LYVE1: variants seen among roughly 807,000 people sequenced by gnomAD.
The protein encoded by LYVE1 is lymphatic vessel endothelial hyaluronic acid receptor 1.
A neutral mutation model predicts 31.5 loss-of-function variants in LYVE1; 29 were observed. The observed-to-expected ratio is 0.92, with a 90% confidence interval of 0.69 to 1.26. The LOEUF (loss-of-function observed/expected upper bound fraction) is 1.26, where lower values mean the gene tolerates loss of function less well. LYVE1 is among the 50% of genes most tolerant of loss of function. LYVE1 has a pLI of 0.00. For missense variants in LYVE1, 376 were observed against 380.2 expected (o/e 0.99, Z 0.09); for synonymous variants, 134 against 139.4 (o/e 0.96, Z 0.27).
At position 10,568,647 on chromosome 11, in the gene LYVE1, ACTCACTG is replaced by A. The variant is rs919620491; in HGVS notation, c.-122_-116del. ...GTTCTGGAACTATGTTGAGGCTCAC[ACTCACTG>A]CTCCACTTCATAACCGAGACATCCG... On this transcript the variant is annotated 5_prime_UTR_variant, in exon 1 of 6. An upstream open reading frame in the 5' UTR loses its in-frame stop. Coordinates refer to ENST00000256178, the MANE Select transcript of LYVE1 (RefSeq NM_006691.4). The A allele has an allele frequency of 1.0e-5, 14 of 1,368,408 alleles. No individual in the cohort carries two copies. Among genetic ancestry groups the A allele is most frequent in the Admixed American group, 5.7e-5 (2 of 34,832 alleles). The allele number at this position is 1,368,408 out of a possible 1,614,324, so 84.8% of individuals were successfully genotyped here. A position where few individuals can be genotyped will look rare whatever the true frequency, so the allele number is the denominator to read the frequency against.
At chr11:10,563,195 C>T (rs1000716275) in intron 3 of LYVE1, among the ~76,000 whole-genome samples, 4 of 151,828 alleles carry the variant, frequency 2.6e-5, no homozygotes, top group African/African-American at 4.8e-5. Flanking sequence ...GTGATCTGCC[C>T]GCCTCGGCCT....
At chr11:10,564,840 C>T (rs910439126) in intron 1 of LYVE1, among the ~76,000 whole-genome samples, 2 of 152,172 alleles carry the variant, frequency 1.3e-5, no homozygotes, top group East Asian at 3.8e-4. Flanking sequence ...GAAAATGTCA[C>T]ACTTGTTATA....
intron 3 of LYVE1, 64 bp from the exon 4 acceptor site, chr11:10,560,864 T>C: frequency 8.9e-6 from 12 of 1,353,420 alleles, no homozygotes; most frequent in Non-Finnish European, 1.2e-5. Context: ...TCTTCTTGCC[T>C]CTAGTCTTAC....
intron 2 of LYVE1, 46 bp from the exon 3 acceptor site, chr11:10,564,125 C>T: frequency 7.4e-6 from 12 of 1,614,056 alleles, no homozygotes; most frequent in Non-Finnish European, 9.3e-6. Flanking sequence ...GATTAGAAGG[C>T]TTCATCTCTA....
Position 10,559,241 on chromosome 11 carries a change from GT to G in LYVE1, c.838del (p.Thr280ProfsTer3). 1 of 1,613,982 alleles carries G rather than the reference GT, an allele frequency of 6.2e-7. No individual in the cohort carries two copies. The highest frequency in any genetic ancestry group is 8.5e-7 in the Non-Finnish European group (1 of 1,179,990). ...GGCCTTCTCCTCCTTTACTACTTTG[GT>G]TTCGATCATTTCCTTCTGCTGATTC... ...NKNQQKEMIE[T>X]KVVKEEKAND... On this transcript the variant is annotated frameshift_variant, in exon 6 of 6. Transcript: ENST00000256178. LOFTEE classifies it high-confidence loss of function.
At position 10,560,564 on chromosome 11, in the gene LYVE1, T is replaced by A. The variant is rs1216598499; in HGVS notation, c.634A>T (p.Met212Leu). The A allele has an allele frequency of 1.2e-6, 2 of 1,613,938 alleles. No individual in the cohort carries two copies. The highest frequency in any genetic ancestry group is 1.7e-6 in the Non-Finnish European group (2 of 1,179,950). The change falls in exon 4 of 6, where the codon ATG (methionine) becomes TTG (leucine). Residue 212 changes from methionine (M) to leucine (L), a missense_variant. By Grantham distance (15) the Met-to-Leu change is conservative. Coordinates refer to ENST00000256178, the MANE Select transcript of LYVE1 (RefSeq NM_006691.4). ...ACAAATGGTTCAGTTTCTGTAGACA[T>A]GGTGCTAGTTTCCATAAAAACTTCT... ...VTEVFMETSTMSTETEPFVEN... is the reference protein window; with the variant it reads ...VTEVFMETSTLSTETEPFVEN...
chr11:10,562,518 G>A (rs1027803082), intron 3 of LYVE1, among the ~76,000 whole-genome samples: 5 of 152,084 alleles, frequency 3.3e-5, no homozygotes, highest in Non-Finnish European at 5.9e-5. Context: ...TTTATCTCTC[G>A]GATCTTCGAG....
intron 3 of LYVE1, among the ~76,000 whole-genome samples, chr11:10,561,553 A>G (rs1850424940): frequency 6.6e-6 from 1 of 152,166 alleles, no homozygotes; most frequent in Non-Finnish European, 1.5e-5. Context: ...TTGCTTTCCA[A>G]TCTGTTGCAT....
intron 3 of LYVE1, among the ~76,000 whole-genome samples, chr11:10,561,442 C>T (rs1290468361): frequency 6.6e-6 from 1 of 152,120 alleles, no homozygotes; most frequent in Non-Finnish European, 1.5e-5. Flanking sequence ...CAAATATACA[C>T]ATGTGGTGTC....
chr11:10,559,858 AAGAGGAG>A lies in LYVE1; in HGVS notation c.733_739del (p.Leu245SerfsTer17), dbSNP rs1330522204. The A allele has an allele frequency of 4.3e-6, 7 of 1,613,942 alleles. No individual in the cohort carries two copies. Among genetic ancestry groups the A allele is most frequent in the Non-Finnish European group, 3.4e-6 (4 of 1,179,866 alleles). On this transcript the variant is annotated frameshift_variant, in exon 5 of 6. Coordinates refer to ENST00000256178, the MANE Select transcript of LYVE1 (RefSeq NM_006691.4). LOFTEE classifies it high-confidence loss of function. Reference sequence around the variant, plus strand: ...TCCAAGACCAGCTGCAGCACCAAAGAAGAGGAGAGCAAGCACTAGCAGAGCCGTGGGG... The same window carrying A: ...TCCAAGACCAGCTGCAGCACCAAAGAAGCAAGCACTAGCAGAGCCGTGGGG...
rs1258725240 is a variant in LYVE1, at chr11:10,557,501, G to C, written c.*1610C>G. The C allele has an allele frequency of 6.6e-6, 1 of 152,184 alleles. No individual in the cohort carries two copies. Among genetic ancestry groups the C allele is most frequent in the Non-Finnish European group, 1.5e-5 (1 of 68,038 alleles). The allele number at this position is 152,184 out of a possible 1,614,324, so 9.4% of individuals were successfully genotyped here. On this transcript the variant is annotated 3_prime_UTR_variant, in exon 6 of 6. Coordinates refer to ENST00000256178, the MANE Select transcript of LYVE1 (RefSeq NM_006691.4). ...CACGGAGCTGTGGGGTCACTGGTGA[G>C]GGGAAGAAGACAATTAGCAGTCTAA...
At chr11:10,563,838 G>T in intron 3 of LYVE1, 102 bp downstream of exon 3, 1 of 1,440,158 alleles carries the variant, frequency 6.9e-7, no homozygotes, top group African/African-American at 1.4e-5. Flanking sequence ...GGCCGTGGCT[G>T]TGATTGCTTC....
chr11:10,564,455 T>A, intron 1 of LYVE1, 81 bp from the exon 2 acceptor site: 1 of 1,333,028 alleles, frequency 7.5e-7, no homozygotes, highest in Non-Finnish European at 1.1e-6. Context: ...GCAGAGTATA[T>A]CGTCCTGATG....
Position 10,564,283 on chromosome 11 carries a change from C to T in LYVE1, c.177G>A (p.Glu59=). ...AACTTAGTCCCAGCAGCCTACAGGC[C>T]TCCTTAGCTTCTGTGAAATTCAGCT... is the stretch of plus-strand genomic sequence containing the variant. ...NQQLNFTEAK[E]ACRLLGLSLA... is the part of the protein sequence containing the mutation. The change falls in exon 2 of 6, where the codon GAG becomes GAA. Residue 59 remains glutamate, a synonymous_variant. Coordinates refer to ENST00000256178, the MANE Select transcript of LYVE1 (RefSeq NM_006691.4). The T allele has an allele frequency of 1.2e-6, 2 of 1,614,228 alleles. No individual in the cohort carries two copies. The highest frequency in any genetic ancestry group is 1.1e-5 in the South Asian group (1 of 91,082).
In LYVE1 at chr11:10,564,312, G is replaced by A. The variant is rs146540416; in HGVS notation, c.148C>T (p.Gln50Ter). 29 of 1,614,032 alleles carry A rather than the reference G, an allele frequency of 1.8e-5. No individual in the cohort carries two copies. Among genetic ancestry groups the A allele is most frequent in the African/African-American group, 4.0e-5 (3 of 74,924 alleles). Residue 50 changes from glutamine to a stop codon, truncating the protein, a stop_gained, in exon 2 of 6, where the codon CAG (glutamine) becomes TAG (stop). Transcript: ENST00000256178. LOFTEE classifies it high-confidence loss of function. ...GITLVSKKAN[Q>*]QLNFTEAKEA... ...TTAGCTTCTGTGAAATTCAGCTGCT[G>A]GTTCGCCTTTTTGCTCACAAGGGTG...
At chr11:10,564,157 C>A (rs749046416) in intron 2 of LYVE1, 46 bp downstream of exon 2, 23 of 1,613,856 alleles carry the variant, frequency 1.4e-5, no homozygotes, top group African/African-American at 8.0e-5. Flanking sequence ...GAACACAGAG[C>A]TAAAAAAGAA....
At chr11:10,565,294 GAAT>G (rs1850513310) in intron 1 of LYVE1, among the ~76,000 whole-genome samples, 1 of 152,204 alleles carries the variant, frequency 6.6e-6, no homozygotes, top group Non-Finnish European at 1.5e-5. Flanking sequence ...GGTAAGATAT[GAAT>G]AATATTTCTA....
chr11:10,561,294 C>G (rs1270336281), intron 3 of LYVE1, among the ~76,000 whole-genome samples: 3 of 152,216 alleles, frequency 2.0e-5, no homozygotes, highest in African/African-American at 7.2e-5. Flanking sequence ...ACTGCAAGCT[C>G]TCTGGCAGCA....
chr11:10,560,371 G>T, intron 4 of LYVE1, 124 bp downstream of exon 4: 1 of 801,564 alleles, frequency 1.2e-6, no homozygotes, highest in Non-Finnish European at 1.9e-6. Context: ...TTGAGTTTGT[G>T]TTAAGCTTTT....
Sources: allele counts gnomAD v4.1 joint callset (sites outside exome capture counted in the v4.1 genomes callset), GRCh38; gene constraint gnomAD v4.1.1; transcripts MANE v1.5; gene names NCBI Gene and HGNC (gene_info 2026-07-23, HGNC 2026-07-21).